Variants in CXADR observed in about 807,000 individuals in gnomAD.
CXADR encodes the protein CXADR cell adhesion molecule, also known as coxsackievirus and adenovirus receptor.
In CXADR, 20 loss-of-function variants were observed where a neutral mutation model predicts 40.3. That is an observed-to-expected ratio of 0.50 (90% CI 0.35 to 0.72). The LOEUF is 0.72. Among genes scored for constraint, CXADR ranks in the 30% least tolerant of loss-of-function variants. CXADR has a pLI of 0.01. For synonymous variants in CXADR, 150 were observed against 161.3 expected, an observed-to-expected ratio of 0.93 and a Z score of 0.53; for missense variants, 332 against 449.1, an observed-to-expected ratio of 0.74 and a Z score of 2.36.
chr21:17,612,288 G>C, the CXADR span: 1 of 152,090 alleles, frequency 6.6e-6, no homozygotes, highest in East Asian at 2.0e-4. Flanking sequence ...CTGGGTTCGA[G>C]GACCCGGCTT....
At chr21:17,593,884 AACTT>A, downstream of CXADR, 2 of 617,220 alleles carry the variant, frequency 3.2e-6, no homozygotes, top group South Asian at 5.3e-5. Flanking sequence ...GCACTTGACT[AACTT>A]TAATAAAATT....
At chr21:17,580,864 C>T (rs192841695) in intron 7 of CXADR, among the ~76,000 whole-genome samples, 137 of 152,246 alleles carry the variant, frequency 9.0e-4, no homozygotes, top group Non-Finnish European at 1.5e-3. Flanking sequence ...AGTCCTCCCA[C>T]CTCATCCTCC....
rs375655725 is a variant in CXADR at position 17,560,865 on chromosome 21, T to C, written c.694+41T>C. ...TCTGTTGGTGGTTTTGTTTCTGTTA[T>C]CTTTATACCACCTCCTTTAGTTCAG... is the stretch of plus-strand genomic sequence containing the variant. On this transcript the variant is annotated intron_variant, in intron 5 of 6. Transcript: ENST00000284878. 6.8e-6 allele frequency: 11 copies of C among 1,608,818 alleles called. No individual in the cohort carries two copies. The African/African-American group carries it at 8.0e-5, about 12-fold the overall frequency.
downstream of CXADR, among the ~76,000 whole-genome samples, chr21:17,574,424 TG>T (rs2061304020): frequency 6.6e-6 from 1 of 152,208 alleles, no homozygotes; most frequent in Admixed American, 6.5e-5. Context: ...TTGGTCATGA[TG>T]GGTGAGTGGA....
chr21:17,559,186 G>T, intron 4 of CXADR, 55 bp downstream of exon 4: 1 of 1,571,346 alleles, frequency 6.4e-7, no homozygotes. Context: ...CTAAGATCTA[G>T]TAGGGGTGTG....
intron 1 of CXADR, among the ~76,000 whole-genome samples, chr21:17,521,318 T>TTTA (rs202127220): frequency 4.6e-5 from 7 of 151,638 alleles, no homozygotes; most frequent in East Asian, 1.9e-4. Context: ...GAAGCCAGAT[T>TTTA]TTATTATTAT....
chr21:17,632,223 G>A, the CXADR span, among the ~76,000 whole-genome samples: 2 of 152,178 alleles, frequency 1.3e-5, no homozygotes, highest in African/African-American at 4.8e-5. Flanking sequence ...GAGATTCAGA[G>A]TGGACCATTC....
chr21:17,635,328 A>G, the CXADR span, among the ~76,000 whole-genome samples: 1 of 152,236 alleles, frequency 6.6e-6, no homozygotes, highest in Non-Finnish European at 1.5e-5. Context: ...ATTGAAGCAT[A>G]ATTATAAACA....
At chr21:17,586,985 G>A (rs530859559) in intron 7 of CXADR, among the ~76,000 whole-genome samples, 1 of 152,106 alleles carries the variant, frequency 6.6e-6, no homozygotes, top group East Asian at 1.9e-4. Flanking sequence ...GAGAACATGC[G>A]GTGTTTGGTT....
chr21:17,564,934 C>A (rs1569135381), intron 6 of CXADR, among the ~76,000 whole-genome samples: 3 of 152,068 alleles, frequency 2.0e-5, no homozygotes, highest in African/African-American at 7.2e-5. Flanking sequence ...GGGGTTTTGC[C>A]ATATTGGCCA....
intron 6 of CXADR, among the ~76,000 whole-genome samples, chr21:17,562,309 G>T (rs933644699): frequency 4.0e-5 from 6 of 149,230 alleles, no homozygotes; most frequent in African/African-American, 1.3e-4. Context: ...TCTTTCTTTG[G>T]TTGTTGGGTT....
chr21:17,615,529 A>G, the CXADR span, among the ~76,000 whole-genome samples: 2 of 152,196 alleles, frequency 1.3e-5, no homozygotes, highest in Non-Finnish European at 2.9e-5. Context: ...TAACAGAACA[A>G]TTATTATAGT....
chr21:17,531,036 A>T (rs1023131724), intron 1 of CXADR, among the ~76,000 whole-genome samples: 1 of 152,138 alleles, frequency 6.6e-6, no homozygotes, highest in East Asian at 1.9e-4. Context: ...GCAGTGGCTC[A>T]CGCCTGTAAT....
rs560673088 is a variant in CXADR at position 17,515,340 on chromosome 21, C to T, written c.43+2168C>T. Among the ~76,000 whole-genome samples, 7 of 152,040 alleles carry T rather than the reference C, an allele frequency of 4.6e-5. No individual in the cohort carries two copies. In the South Asian group the frequency reaches 1.5e-3, roughly 32 times the overall value. On this transcript the variant is annotated intron_variant, in intron 1 of 6. Coordinates refer to ENST00000284878, the MANE Select transcript of CXADR (RefSeq NM_001338.5). ...GATGCTTGTCATAGTCCCAGCTACG[C>T]GGGAGGCTGAGATGGGAGGTTTGCC...
chr21:17,609,045 A>G, the CXADR span: 3 of 1,614,022 alleles, frequency 1.9e-6, no homozygotes, highest in Non-Finnish European at 2.5e-6. Context: ...ATTAGGGTCA[A>G]TTTCTCAGCA....
chr21:17,534,162 C>G (rs1465094958), intron 1 of CXADR, among the ~76,000 whole-genome samples: 1 of 123,270 alleles, frequency 8.1e-6, no homozygotes, highest in African/African-American at 3.2e-5. Flanking sequence ...GGCTGGAGTG[C>G]AGTGGCGCGA....
At chr21:17,546,028 C>T (rs553090208) in intron 1 of CXADR, among the ~76,000 whole-genome samples, 1 of 152,278 alleles carries the variant, frequency 6.6e-6, no homozygotes, top group South Asian at 2.1e-4. Flanking sequence ...ATTCACCTAC[C>T]TTGGCCTCCT....
chr21:17,522,735 G>A (rs753520036), intron 1 of CXADR, among the ~76,000 whole-genome samples: 1 of 151,930 alleles, frequency 6.6e-6, no homozygotes, highest in Non-Finnish European at 1.5e-5. Flanking sequence ...CATTTCCTTC[G>A]TGTACCGTAA....
At chr21:17,581,064 T>C (rs1161540479) in intron 7 of CXADR, among the ~76,000 whole-genome samples, 1 of 152,234 alleles carries the variant, frequency 6.6e-6, no homozygotes, top group Non-Finnish European at 1.5e-5. Flanking sequence ...AACTTGTTTT[T>C]AATTTAACAA....
Sources: allele counts gnomAD v4.1 joint callset (sites outside exome capture counted in the v4.1 genomes callset), GRCh38; gene constraint gnomAD v4.1.1; transcripts MANE v1.5; gene names NCBI Gene and HGNC (gene_info 2026-07-23, HGNC 2026-07-21).